The following SUPT20H variants were observed in gnomAD, a reference collection of about 807,000 sequenced individuals.
The protein encoded by SUPT20H is SPT20 homolog, SAGA complex component, also known as transcription factor SPT20 homolog.
Under a neutral mutation model 122.8 loss-of-function variants are expected in SUPT20H, and 82 were observed. The observed-to-expected ratio is 0.67, with a 90% CI of 0.56 to 0.80. The LOEUF (loss-of-function observed/expected upper bound fraction) is 0.80, where lower values mean the gene tolerates loss of function less well. Among genes scored for constraint, SUPT20H ranks in the 30% least tolerant of loss-of-function variants. The pLI is 0.00. For synonymous variants in SUPT20H, 291 were observed against 313.0 expected, an observed-to-expected ratio of 0.93 and a Z score of 0.74; for missense variants, 831 against 921.6, an observed-to-expected ratio of 0.90 and a Z score of 1.27.
chr13:37,011,469 T>C (rs960756855), intron 24 of SUPT20H, among the ~76,000 whole-genome samples: 1 of 152,198 alleles, frequency 6.6e-6, no homozygotes, highest in Non-Finnish European at 1.5e-5. Context: ...AAAGGCATCA[T>C]AGTAAGCCCA....
Position 37,026,901 on chromosome 13 carries a change from T to C in SUPT20H, c.1152-85A>G, listed in dbSNP as rs962480419. Reference sequence around the variant, plus strand: ...TTTATTAAATAAAGTATTTTATGAATATGGAAGAATGACTGGAAGATAATA... The same window carrying C: ...TTTATTAAATAAAGTATTTTATGAACATGGAAGAATGACTGGAAGATAATA... On this transcript the variant is annotated intron_variant, in intron 14 of 25. Coordinates refer to ENST00000350612, the MANE Select transcript of SUPT20H (RefSeq NM_001014286.3). 1.8e-5 allele frequency: 15 copies of C among 845,662 alleles called. No homozygotes were observed. In the African/African-American group the frequency reaches 2.5e-4, roughly 14 times the overall value. 52.4% of individuals were successfully genotyped at this position (845,662 alleles called of 1,614,324 possible). A position where few individuals can be genotyped will look rare whatever the true frequency, so the allele number is the denominator to read the frequency against.
At chr13:37,049,506 G>A (rs2067192025) in intron 2 of SUPT20H, among the ~76,000 whole-genome samples, 1 of 152,118 alleles carries the variant, frequency 6.6e-6, no homozygotes. Context: ...TTGAGAGGCT[G>A]AGGCGGGAGG....
At position 37,021,998 on chromosome 13, in the gene SUPT20H, A is replaced by G; in HGVS notation, c.1661+13T>C. 1 of 1,549,760 alleles carries G rather than the reference A, an allele frequency of 6.5e-7. No individual in the cohort carries two copies. Among genetic ancestry groups the G allele is most frequent in the Non-Finnish European group, 8.7e-7 (1 of 1,148,362 alleles). ...TTTATAAAAAAAAAATCCGAACATC[A>G]ATGCAAACTTACCAAACAGAGCCCA... is the stretch of plus-strand genomic sequence containing the variant. On this transcript the variant is annotated intron_variant, in intron 20 of 25. Coordinates refer to ENST00000350612, the MANE Select transcript of SUPT20H (RefSeq NM_001014286.3).
chr13:37,044,028 C>A, intron 7 of SUPT20H, 50 bp downstream of exon 7: 1 of 1,121,620 alleles, frequency 8.9e-7, no homozygotes, highest in South Asian at 1.3e-5. Context: ...ATATATATAT[C>A]ATATACATAT....
chr13:37,021,565 G>A lies in SUPT20H; in HGVS notation c.1699C>T (p.Leu567=), dbSNP rs9603129. The change falls in exon 21 of 26, where the codon CTG becomes TTG. Residue 567 remains leucine (L), a synonymous_variant. Transcript: ENST00000350612. ...QALMSGSNPM[L]GCNTGAITPA... ...GTTATGGCACCAGTGTTACAGCCCA[G>A]CATGGGGTTTGAACCACTCATCAAA... 3 of 1,613,506 alleles carry A rather than the reference G, an allele frequency of 1.9e-6. No individual in the cohort carries two copies. The highest frequency in any genetic ancestry group is 2.5e-6 in the Non-Finnish European group (3 of 1,179,916).
intron 2 of SUPT20H, among the ~76,000 whole-genome samples, chr13:37,049,693 C>A (rs1423209381): frequency 1.3e-5 from 2 of 152,056 alleles, no homozygotes; most frequent in East Asian, 3.9e-4. Flanking sequence ...GAGCCCAGAT[C>A]GTGCTATTGT....
chr13:37,047,527 AT>A lies in SUPT20H; in HGVS notation c.165+7del. The A allele has an allele frequency of 6.9e-7, 1 of 1,441,506 alleles. No homozygotes were observed. The highest frequency in any genetic ancestry group is 9.2e-7 in the Non-Finnish European group (1 of 1,082,516). The allele number at this position is 1,441,506 out of a possible 1,614,324, so 89.3% of individuals were successfully genotyped here. A position where few individuals can be genotyped will look rare whatever the true frequency, so the allele number is the denominator to read the frequency against. On this transcript the variant is annotated splice_region_variant and intron_variant, in intron 5 of 25. Transcript: ENST00000350612. Reference sequence around the variant, plus strand: ...AAAAGCTACAACATAATAAAAATGTATACTTACCTTAACTTCAGGTTCTTTT... The same window carrying A: ...AAAAGCTACAACATAATAAAAATGTAACTTACCTTAACTTCAGGTTCTTTT...
At chr13:37,057,342 G>T (rs1230303680) in intron 1 of SUPT20H, among the ~76,000 whole-genome samples, 2 of 151,804 alleles carry the variant, frequency 1.3e-5, no homozygotes, top group East Asian at 3.9e-4. Flanking sequence ...CATTTGCTCT[G>T]AGACTGATGA....
At position 37,040,589 on chromosome 13, in the gene SUPT20H, C is replaced by T. The variant is rs200953847; in HGVS notation, c.500G>A (p.Arg167His). 6.7e-5 allele frequency: 108 copies of T among 1,613,706 alleles called. No individual in the cohort carries two copies. The highest frequency in any genetic ancestry group is 3.9e-4 in the African/African-American group (29 of 74,992). The change falls in exon 8 of 26, where the codon CGT becomes CAT. Residue 167 changes from arginine (R) to histidine (H), a missense_variant. Coordinates refer to ENST00000350612, the MANE Select transcript of SUPT20H (RefSeq NM_001014286.3). ...PGYQSRHILL[R>H]PTMQTLICDV... is the part of the protein sequence containing the mutation. ...AAACATCCTTACCTGCATTGTTGGA[C>T]GTAAGAGAATGTGCCGACTTTGGTA...
At chr13:37,048,727 C>A (rs1314020009) in intron 2 of SUPT20H, 128 bp from the exon 3 acceptor site, 19 of 669,620 alleles carry the variant, frequency 2.8e-5, no homozygotes, top group Non-Finnish European at 4.6e-5. Flanking sequence ...CTCCTCCACT[C>A]CACTCTATGA....
At chr13:37,033,400 T>G in intron 10 of SUPT20H, 49 bp downstream of exon 10, 1 of 1,588,896 alleles carries the variant, frequency 6.3e-7, no homozygotes, top group Non-Finnish European at 8.6e-7. Flanking sequence ...AATAGCAAAA[T>G]TTATAGCTAC....
At chr13:37,026,851 T>C (rs1396437566) in intron 14 of SUPT20H, 35 bp from the exon 15 acceptor site, 4 of 1,376,178 alleles carry the variant, frequency 2.9e-6, no homozygotes, top group Non-Finnish European at 3.8e-6. Flanking sequence ...GCTTAGTTAA[T>C]GCAGCTCAAA....
At chr13:37,035,936 C>T (rs983411506) in intron 9 of SUPT20H, among the ~76,000 whole-genome samples, 3 of 152,200 alleles carry the variant, frequency 2.0e-5, no homozygotes, top group African/African-American at 7.2e-5. Context: ...GCAGCAGCAA[C>T]AGGGTTTTAG....
chr13:37,027,638 T>C (rs898335449), intron 14 of SUPT20H, among the ~76,000 whole-genome samples: 1 of 152,114 alleles, frequency 6.6e-6, no homozygotes. Flanking sequence ...TAAAACAAAA[T>C]AAAACTAAAT....
intron 9 of SUPT20H, among the ~76,000 whole-genome samples, chr13:37,036,705 G>A (rs1023915372): frequency 1.3e-5 from 2 of 151,942 alleles, no homozygotes; most frequent in Non-Finnish European, 2.9e-5. Context: ...TTGCACCCCT[G>A]AGACAGCAAG....
At chr13:37,033,715 A>C in intron 9 of SUPT20H, 127 bp from the exon 10 acceptor site, 3 of 1,034,814 alleles carry the variant, frequency 2.9e-6, no homozygotes, top group Admixed American at 3.2e-5. Flanking sequence ...ATGGTATTTC[A>C]AGTTCCAATG....
At position 37,022,419 on chromosome 13, in the gene SUPT20H, G is replaced by GA. The variant is rs1555273968; in HGVS notation, c.1592-340_1592-339insT. 17 of 1,157,336 alleles carry GA rather than the reference G, an allele frequency of 1.5e-5. No homozygotes were observed. The highest frequency in any genetic ancestry group is 3.2e-5 in the East Asian group (1 of 31,042). The allele number at this position is 1,157,336 out of a possible 1,614,324, so 71.7% of individuals were successfully genotyped here. On this transcript the variant is annotated intron_variant, in intron 19 of 25. Transcript: ENST00000350612. This position sits in a 1 kb window ranked among gnomAD's most constrained non-coding sequence, Gnocchi z 4.5. ...TACTTAGCACTGACAATTTGTTCTA[G>GA]TTTTTTTTTTTTTAGCAGTTAACTG...
chr13:37,057,973 CAAAAAA>C (rs34624589), intron 1 of SUPT20H, among the ~76,000 whole-genome samples: 11 of 98,062 alleles, frequency 1.1e-4, no homozygotes, highest in Non-Finnish European at 1.9e-4. Context: ...GACTCCGTCT[CAAAAAA>C]AAAAAAAAAA....
At chr13:37,024,315 TGC>T in intron 18 of SUPT20H, 23 bp downstream of exon 18, 1 of 1,546,420 alleles carries the variant, frequency 6.5e-7, no homozygotes, top group Non-Finnish European at 8.7e-7. Flanking sequence ...TATTCTAGAC[TGC>T]AAAAAACTAA....
Sources: gnomAD v4.1 joint callset for allele counts (sites outside exome capture counted in the v4.1 genomes callset) on GRCh38, gnomAD v4.1.1 for gene constraint, Gnocchi (gnomAD v3.1) non-coding constraint, MANE v1.5 for transcripts, NCBI Gene and HGNC (gene_info 2026-07-23, HGNC 2026-07-21) for gene names.